Variants in IQGAP2 observed in about 807,000 individuals in gnomAD.
IQGAP2 encodes the protein ras GTPase-activating-like protein IQGAP2.
In IQGAP2, 173 loss-of-function variants were observed where a neutral mutation model predicts 201.3. The ratio of observed to expected loss-of-function variants is 0.86; its 90% confidence interval spans 0.76 to 0.98. The LOEUF is 0.98. Among genes scored for constraint, IQGAP2 ranks in the 50% least tolerant of loss-of-function variants. IQGAP2 has a pLI of 0.00. For missense variants in IQGAP2, 1,687 were observed against 1,864.8 expected, an observed-to-expected ratio of 0.90 and a Z score of 1.76; for synonymous variants, 675 against 673.9, an observed-to-expected ratio of 1.00 and a Z score of -0.03.
intron 2 of IQGAP2, among the ~76,000 whole-genome samples, chr5:76,505,861 G>T (rs1327251150): frequency 6.6e-6 from 1 of 152,134 alleles, no homozygotes; most frequent in East Asian, 1.9e-4. Context: ...CTTTATTCCT[G>T]TTCCTGGTAA....
chr5:76,485,287 G>A (rs1050641878), intron 2 of IQGAP2, among the ~76,000 whole-genome samples: 1 of 152,142 alleles, frequency 6.6e-6, no homozygotes, highest in African/African-American at 2.4e-5. Context: ...AATATTTGGA[G>A]CTCTTTTGAC....
At chr5:76,546,486 G>A (rs1743104388) in intron 2 of IQGAP2, among the ~76,000 whole-genome samples, 1 of 152,112 alleles carries the variant, frequency 6.6e-6, no homozygotes, top group Admixed American at 6.5e-5. Context: ...TATACTTAGA[G>A]CTGTTGCCAT....
At chr5:76,706,176 A>G (rs1747874379) in intron 35 of IQGAP2, among the ~76,000 whole-genome samples, 1 of 152,202 alleles carries the variant, frequency 6.6e-6, no homozygotes. Flanking sequence ...TGCTTCTGCT[A>G]TTGTACTCTA....
chr5:76,480,530 T>C (rs1755711556), intron 2 of IQGAP2, among the ~76,000 whole-genome samples: 1 of 152,230 alleles, frequency 6.6e-6, no homozygotes, highest in South Asian at 2.1e-4. Flanking sequence ...GCACTTACTG[T>C]CCATATCACT....
chr5:76,498,164 A>G (rs1035156173), intron 2 of IQGAP2, among the ~76,000 whole-genome samples: 3 of 152,228 alleles, frequency 2.0e-5, no homozygotes, highest in African/African-American at 7.2e-5. Context: ...CATGACATAC[A>G]TATTCAAATT....
chr5:76,684,114 A>G (rs535896917), intron 30 of IQGAP2, among the ~76,000 whole-genome samples, 197 bp downstream of exon 30: 1 of 152,376 alleles, frequency 6.6e-6, no homozygotes, highest in East Asian at 1.9e-4. Flanking sequence ...ATAATAGTTT[A>G]CAACACCTTC....
chr5:76,627,630 T>C, intron 14 of IQGAP2, 130 bp downstream of exon 14: 1 of 626,478 alleles, frequency 1.6e-6, no homozygotes, highest in South Asian at 2.3e-5. Flanking sequence ...CACATAATTA[T>C]ACCGAAATTA....
Position 76,671,876 on chromosome 5 carries a change from A to T in IQGAP2, c.2961A>T (p.Pro987=). The T allele has an allele frequency of 1.2e-6, 2 of 1,614,116 alleles. No homozygotes were observed. Among genetic ancestry groups the T allele is most frequent in the Non-Finnish European group, 1.7e-6 (2 of 1,180,026 alleles). Residue 987 remains proline, a synonymous_variant, in exon 24 of 36, where the codon CCA becomes CCT. Transcript: ENST00000274364. ...GQNTLRQLLA[P]VVKEIIDDKS... is the part of the protein sequence containing the mutation. The stretch of plus-strand genomic sequence containing the variant: ...ACACCCTGCGCCAACTCCTGGCTCC[A>T]GTGGTAAAAGAGATCATCGACGACA...
At position 76,446,136 on chromosome 5, in the gene IQGAP2, G is replaced by C. The variant is rs1753378919; in HGVS notation, c.47-15434G>C. ...CTTCCTTTTGGCTATTGTGAATAGT[G>C]CTGCTATGAACTTAGGTACAAATAT... On this transcript the variant is annotated intron_variant, in intron 1 of 35. Transcript: ENST00000274364. Among the ~76,000 whole-genome samples the C allele has an allele frequency of 1.3e-5, 2 of 152,186 alleles. 1 individual carries two copies. Among genetic ancestry groups the C allele is most frequent in the South Asian group, 4.1e-4 (2 of 4,834 alleles).
chr5:76,473,375 GT>G (rs1755230452), intron 2 of IQGAP2, among the ~76,000 whole-genome samples: 2 of 151,086 alleles, frequency 1.3e-5, no homozygotes, highest in South Asian at 4.2e-4. Flanking sequence ...TTTCTATTTT[GT>G]TTTAACTGGT....
In IQGAP2 at chr5:76,431,855, T is replaced by G. The variant is rs544161073; in HGVS notation, c.46+28264T>G. 3.4e-4 allele frequency among the ~76,000 whole-genome samples: 52 copies of G among 151,970 alleles called. No homozygotes were observed. The South Asian group carries it at 1.0e-2, about 29-fold the overall frequency. ...AAAAAAGGAATGCCAGTCTTACTGT[T>G]TTTTGTTCCTCTTACTGCTCAGGCA... On this transcript the variant is annotated intron_variant, in intron 1 of 35. Transcript: ENST00000274364.
intron 2 of IQGAP2, among the ~76,000 whole-genome samples, chr5:76,543,912 A>G (rs1434134962): frequency 2.6e-5 from 4 of 152,288 alleles, no homozygotes; most frequent in African/African-American, 7.2e-5. Flanking sequence ...TCTGATGTCT[A>G]TGTCAATACA....
chr5:76,653,758 CAT>C (rs1396383737), intron 18 of IQGAP2, among the ~76,000 whole-genome samples: 2 of 152,188 alleles, frequency 1.3e-5, no homozygotes, highest in African/African-American at 4.8e-5. Flanking sequence ...ATTGGTCCCT[CAT>C]GAGACCTCTT....
At chr5:76,550,596 A>T (rs1274968799) in intron 2 of IQGAP2, among the ~76,000 whole-genome samples, 1 of 152,138 alleles carries the variant, frequency 6.6e-6, no homozygotes, top group Admixed American at 6.5e-5. Flanking sequence ...TTAACAAAGC[A>T]CATCTTGCAC....
At chr5:76,673,721 AT>A in intron 25 of IQGAP2, 132 bp downstream of exon 25, 1 of 996,078 alleles carries the variant, frequency 1.0e-6, no homozygotes, top group Non-Finnish European at 1.5e-6. Context: ...GATTGCCTAC[AT>A]TTACCTTTTA....
chr5:76,494,263 A>G (rs779788944), intron 2 of IQGAP2, among the ~76,000 whole-genome samples: 3 of 152,250 alleles, frequency 2.0e-5, no homozygotes, highest in Non-Finnish European at 4.4e-5. Flanking sequence ...AAATGGGCAC[A>G]ATAATTAGAA....
chr5:76,570,030 A>G (rs1373094598), intron 3 of IQGAP2, among the ~76,000 whole-genome samples: 1 of 152,220 alleles, frequency 6.6e-6, no homozygotes, highest in Non-Finnish European at 1.5e-5. Context: ...GATCAGGGTT[A>G]AATTAGAAGA....
intron 13 of IQGAP2, chr5:76,617,573 A>G (rs1749106093): frequency 6.3e-7 from 1 of 1,595,972 alleles, no homozygotes; most frequent in Non-Finnish European, 8.5e-7. Flanking sequence ...GTTCTCTAAG[A>G]TCATTTCACT....
intron 1 of IQGAP2, among the ~76,000 whole-genome samples, chr5:76,449,326 TC>T (rs1411653728): frequency 1.3e-5 from 2 of 152,200 alleles, no homozygotes; most frequent in East Asian, 3.8e-4. Context: ...TTGAACAACC[TC>T]TTTTCCCTCC....
Sources: gnomAD v4.1 joint callset for allele counts (sites outside exome capture counted in the v4.1 genomes callset) on GRCh38, gnomAD v4.1.1 for gene constraint, MANE v1.5 for transcripts, NCBI Gene and HGNC (gene_info 2026-07-23, HGNC 2026-07-21) for gene names.